VIT: variants seen among roughly 807,000 people sequenced by gnomAD.
VIT encodes the protein vitrin.
VIT carries 99 observed loss-of-function variants against 78.0 expected under a neutral mutation model. That is an observed-to-expected ratio of 1.27 (90% confidence interval 1.08 to 1.50). The LOEUF (loss-of-function observed/expected upper bound fraction) is 1.50, where lower values mean the gene tolerates loss of function less well. VIT is among the 40% of genes most tolerant of loss of function. The pLI is 0.00. For missense variants in VIT, 1,126 were observed against 875.3 expected (o/e 1.29, Z -3.61); for synonymous variants, 374 against 334.3 (o/e 1.12, Z -1.29).
At chr2:36,788,708 C>T (rs531105235) in intron 12 of VIT, among the ~76,000 whole-genome samples, 67 of 152,288 alleles carry the variant, frequency 4.4e-4, no homozygotes, top group Admixed American at 3.3e-3. Flanking sequence ...AGGAAACATA[C>T]GCGTTTTAAT....
chr2:36,754,219 A>G (rs1668633822), intron 4 of VIT, among the ~76,000 whole-genome samples: 1 of 152,134 alleles, frequency 6.6e-6, no homozygotes. Flanking sequence ...AAGGGTGTTG[A>G]TGGGGAGAAA....
In VIT at chr2:36,803,484, A is replaced by G. The variant is rs1666478267; in HGVS notation, c.1163-1954A>G. ...TAGGTGGGGTTGAGGGGATCTTCTCATGGCGTCTTGTGCTCTGCCCTATAG... is the reference window on the plus strand; with the variant it reads ...TAGGTGGGGTTGAGGGGATCTTCTCGTGGCGTCTTGTGCTCTGCCCTATAG... On this transcript the variant is annotated intron_variant, in intron 13 of 15. Coordinates refer to ENST00000379242, the MANE Select transcript of VIT (RefSeq NM_053276.4). Among the ~76,000 whole-genome samples, 3 of 152,170 alleles carry G rather than the reference A, an allele frequency of 2.0e-5. No homozygotes were observed. In the South Asian group the frequency reaches 6.2e-4, roughly 32 times the overall value.
chr2:36,760,497 G>A (rs1055600325), intron 6 of VIT, among the ~76,000 whole-genome samples: 12 of 152,120 alleles, frequency 7.9e-5, no homozygotes, highest in Non-Finnish European at 1.6e-4. Context: ...ACCTCCACCC[G>A]TGAACTGGCA....
At chr2:36,752,972 G>A (rs903680341) in intron 4 of VIT, among the ~76,000 whole-genome samples, 1 of 152,178 alleles carries the variant, frequency 6.6e-6, no homozygotes, top group Non-Finnish European at 1.5e-5. Flanking sequence ...GCCCATCGAT[G>A]ATAGACTGGA....
At chr2:36,802,855 G>A (rs1420260699) in intron 13 of VIT, among the ~76,000 whole-genome samples, 2 of 152,218 alleles carry the variant, frequency 1.3e-5, no homozygotes, top group Non-Finnish European at 2.9e-5. Context: ...TGGAATTTCA[G>A]GCTATTAAGT....
At position 36,773,772 on chromosome 2, in the gene VIT, C is replaced by A. The variant is rs3770782; in HGVS notation, c.680-19C>A. 29,199 of 1,562,706 alleles carry A rather than the reference C, an allele frequency of 0.019. 1,866 individuals are homozygous for A. The East Asian group carries it at 0.19, about 10-fold the overall frequency. On this transcript the variant is annotated intron_variant, in intron 7 of 15. Transcript: ENST00000379242. The stretch of plus-strand genomic sequence containing the variant: ...AATTAAATAAAATTCATGCTCTGAC[C>A]AGTCAAATGTCCTTACAGATCTCTG...
intron 12 of VIT, among the ~76,000 whole-genome samples, chr2:36,795,554 A>G (rs56068921): frequency 0.068 from 10,298 of 151,950 alleles, 1,017 homozygotes; most frequent in African/African-American, 0.22. Context: ...CTGGGATTAC[A>G]GGCACATGCC....
chr2:36,777,183 G>A (rs1322496681), intron 9 of VIT, among the ~76,000 whole-genome samples: 1 of 148,108 alleles, frequency 6.8e-6, no homozygotes, highest in African/African-American at 2.4e-5. Context: ...AAATGAGAAA[G>A]TGCACAGTTG....
intron 6 of VIT, 91 bp from the exon 7 acceptor site, chr2:36,767,003 C>A: frequency 7.3e-7 from 1 of 1,360,782 alleles, no homozygotes; most frequent in Non-Finnish European, 9.6e-7. Flanking sequence ...GTGCTCATAG[C>A]TAGTGTTCAA....
intron 6 of VIT, among the ~76,000 whole-genome samples, chr2:36,765,211 G>T (rs190821999): frequency 1.5e-3 from 229 of 152,226 alleles, no homozygotes; most frequent in African/African-American, 5.4e-3. Context: ...GTAAAAGGAA[G>T]GCAGAGGGAG....
At chr2:36,749,828 T>C (rs1668350569) in intron 4 of VIT, among the ~76,000 whole-genome samples, 1 of 152,244 alleles carries the variant, frequency 6.6e-6, no homozygotes, top group African/African-American at 2.4e-5. Context: ...GGGTTGATTG[T>C]TCAGTTGTAC....
chr2:36,710,883 G>T (rs1665760489), intron 1 of VIT, among the ~76,000 whole-genome samples: 1 of 152,130 alleles, frequency 6.6e-6, no homozygotes, highest in African/African-American at 2.4e-5. Flanking sequence ...AGAAGTCATT[G>T]TACGGACATA....
intron 12 of VIT, among the ~76,000 whole-genome samples, chr2:36,795,463 G>A (rs1052640488): frequency 4.0e-5 from 6 of 151,186 alleles, no homozygotes; most frequent in African/African-American, 1.2e-4. Flanking sequence ...GCTGGATCTT[G>A]TTGCCCTGGC....
At chr2:36,781,930 A>G (rs926146539) in intron 10 of VIT, among the ~76,000 whole-genome samples, 159 bp downstream of exon 10, 3 of 152,186 alleles carry the variant, frequency 2.0e-5, no homozygotes, top group Non-Finnish European at 4.4e-5. Flanking sequence ...CAAAGGGCAC[A>G]TTGAAACTCC....
intron 3 of VIT, among the ~76,000 whole-genome samples, chr2:36,732,343 T>G (rs17019636): frequency 0.18 from 26,704 of 152,172 alleles, 2,493 homozygotes; most frequent in East Asian, 0.32. Context: ...TCCCTAGTGA[T>G]GCAGCGCATT....
At chr2:36,765,673 C>G (rs1292987386) in intron 6 of VIT, among the ~76,000 whole-genome samples, 1 of 152,254 alleles carries the variant, frequency 6.6e-6, no homozygotes, top group East Asian at 1.9e-4. Context: ...ACTGAAGATG[C>G]TGGCCTTGAA....
At chr2:36,749,889 A>G (rs1668353991) in intron 4 of VIT, among the ~76,000 whole-genome samples, 1 of 152,220 alleles carries the variant, frequency 6.6e-6, no homozygotes, top group Admixed American at 6.5e-5. Flanking sequence ...CAAGGTGTCT[A>G]GTTAGTAGAC....
chr2:36,781,895 T>C (rs1572530209), intron 10 of VIT, 124 bp downstream of exon 10: 4 of 1,166,592 alleles, frequency 3.4e-6, no homozygotes, highest in Non-Finnish European at 1.2e-6. Context: ...TTCTAATGGC[T>C]CCCGCCTCTG....
At position 36,746,963 on chromosome 2, in the gene VIT, C is replaced by T. The variant is rs145273580; in HGVS notation, c.275+3707C>T. 4.9e-3 allele frequency among the ~76,000 whole-genome samples: 742 copies of T among 152,098 alleles called. 11 individuals carry two copies. Among genetic ancestry groups the T allele is most frequent in the East Asian group, 0.04 (206 of 5,178 alleles). Reference sequence around the variant, plus strand: ...TGTACTATAAAATTTCCACTCAAAACGCTTTCACTGCAACCCAGAGATTTT... The same window carrying T: ...TGTACTATAAAATTTCCACTCAAAATGCTTTCACTGCAACCCAGAGATTTT... On this transcript the variant is annotated intron_variant, in intron 4 of 15. Coordinates refer to ENST00000379242, the MANE Select transcript of VIT (RefSeq NM_053276.4).
Sources: gnomAD v4.1 joint callset for allele counts (sites outside exome capture counted in the v4.1 genomes callset) on GRCh38, gnomAD v4.1.1 for gene constraint, MANE v1.5 for transcripts, NCBI Gene and HGNC (gene_info 2026-07-23, HGNC 2026-07-21) for gene names.